LRP1B: variants seen among roughly 807,000 people sequenced by gnomAD.
LRP1B encodes the protein low-density lipoprotein receptor-related protein 1B.
LRP1B carries 217 observed loss-of-function variants against 556.6 expected under a neutral mutation model. The ratio of observed to expected loss-of-function variants is 0.39; its 90% CI spans 0.35 to 0.44. LRP1B has a LOEUF of 0.44. Among genes scored for constraint, LRP1B ranks in the 20% least tolerant of loss-of-function variants. The pLI, the probability that LRP1B is intolerant of heterozygous loss-of-function variation, is 1.00. For synonymous variants in LRP1B, 2,047 were observed against 1,865.8 expected (o/e 1.10, Z -2.50); for missense variants, 5,053 against 5,620.8 (o/e 0.90, Z 3.23).
At chr2:141,296,137 A>G (rs1158831276) in intron 3 of LRP1B, among the ~76,000 whole-genome samples, 1 of 152,200 alleles carries the variant, frequency 6.6e-6, no homozygotes, top group African/African-American at 2.4e-5. Context: ...TGGTCATAAA[A>G]AAATCATGGA....
Position 141,020,066 on chromosome 2 carries a change from A to G in LRP1B, c.1826T>C (p.Ile609Thr), listed in dbSNP as rs1698021255. The change falls in exon 12 of 91, where the codon ATT becomes ACT. Residue 609 changes from isoleucine (I) to threonine (T), a missense_variant. By Grantham distance (89) the Ile-to-Thr change is moderately conservative. This residue lies in a region of LRP1B where 3,619 missense variants were observed against 3,931.9 expected (regional missense o/e 0.92). Coordinates refer to ENST00000389484, the MANE Select transcript of LRP1B (RefSeq NM_018557.3). ...DNVEGIAVDW[I>T]GNNLYWTNDG... ...ATTGGTCCAGTAAAGATTATTTCCAATCCAGTCCACAGCAATGCCCTCTAC... is the reference window on the plus strand; with the variant it reads ...ATTGGTCCAGTAAAGATTATTTCCAGTCCAGTCCACAGCAATGCCCTCTAC... The G allele has an allele frequency of 6.2e-7, 1 of 1,609,784 alleles. No individual in the cohort carries two copies. The highest frequency in any genetic ancestry group is 8.5e-7 in the Non-Finnish European group (1 of 1,177,348).
chr2:141,121,585 C>T (rs1701049333), intron 7 of LRP1B, among the ~76,000 whole-genome samples: 1 of 151,816 alleles, frequency 6.6e-6, no homozygotes, highest in Non-Finnish European at 1.5e-5. Flanking sequence ...AACCACTGCT[C>T]AAGGAAATAA....
In LRP1B at chr2:141,307,413, T is replaced by C. The variant is rs1344577767; in HGVS notation, c.344-52772A>G. Among the ~76,000 whole-genome samples the C allele has an allele frequency of 2.0e-5, 3 of 152,148 alleles. No individual in the cohort carries two copies. In the East Asian group the frequency reaches 5.8e-4, roughly 29 times the overall value. On this transcript the variant is annotated intron_variant, in intron 3 of 90. Transcript: ENST00000389484. ...TGGACTCAAAGTCTGTATTATCTGG[T>C]ATGTGTAGCTATTCCTGCTTGGTTT...
intron 20 of LRP1B, among the ~76,000 whole-genome samples, chr2:140,938,386 T>C (rs1695293192): frequency 6.6e-6 from 1 of 152,060 alleles, no homozygotes; most frequent in African/African-American, 2.4e-5. Context: ...GACAGACTTA[T>C]TGTAACTATT....
chr2:140,327,944 CT>C (rs1324954209), intron 79 of LRP1B, among the ~76,000 whole-genome samples: 4 of 151,912 alleles, frequency 2.6e-5, no homozygotes, highest in Non-Finnish European at 5.9e-5. Context: ...CAAATCAATA[CT>C]TTTGATTTTC....
At chr2:141,209,886 T>C (rs2105248727) in intron 6 of LRP1B, among the ~76,000 whole-genome samples, 1 of 152,322 alleles carries the variant, frequency 6.6e-6, no homozygotes, top group African/African-American at 2.4e-5. Context: ...AAAGTATGTT[T>C]AGAGCTGAGA....
intron 41 of LRP1B, among the ~76,000 whole-genome samples, chr2:140,670,572 G>T (rs114038049): frequency 1.3e-5 from 2 of 152,164 alleles, no homozygotes; most frequent in African/African-American, 4.8e-5. Flanking sequence ...AGACCCTGCA[G>T]AGGATCCTGT....
chr2:140,611,550 A>G (rs1683073166), intron 41 of LRP1B, among the ~76,000 whole-genome samples: 2 of 152,136 alleles, frequency 1.3e-5, no homozygotes, highest in African/African-American at 4.8e-5. Flanking sequence ...GATCGTAGAA[A>G]GAGTTTGGTT....
chr2:141,876,322 G>C (rs1300397636), intron 1 of LRP1B, among the ~76,000 whole-genome samples: 1 of 151,844 alleles, frequency 6.6e-6, no homozygotes, highest in East Asian at 1.9e-4. Flanking sequence ...GGGACCAAAA[G>C]GGCAAATATC....
chr2:141,241,926 A>C (rs1683892681), intron 5 of LRP1B, among the ~76,000 whole-genome samples: 1 of 151,838 alleles, frequency 6.6e-6, no homozygotes, highest in Admixed American at 6.6e-5. Context: ...ATTTTTGACT[A>C]TCTAAAAAAT....
chr2:141,871,719 G>C (rs1460870968), intron 1 of LRP1B, among the ~76,000 whole-genome samples: 1 of 151,884 alleles, frequency 6.6e-6, no homozygotes, highest in African/African-American at 2.4e-5. Context: ...ACTCAAAATA[G>C]ATGAATGCAC....
chr2:140,641,495 C>T (rs1277375059), intron 41 of LRP1B, among the ~76,000 whole-genome samples: 1 of 152,206 alleles, frequency 6.6e-6, no homozygotes, highest in Non-Finnish European at 1.5e-5. Flanking sequence ...TCTCTTACCA[C>T]CTTGATAATA....
chr2:141,751,177 A>T (rs1476252692), intron 2 of LRP1B, among the ~76,000 whole-genome samples: 1 of 152,088 alleles, frequency 6.6e-6, no homozygotes, highest in Non-Finnish European at 1.5e-5. Context: ...CAGGAAATAA[A>T]CTCAATATAC....
intron 41 of LRP1B, among the ~76,000 whole-genome samples, chr2:140,628,612 T>A (rs996454708): frequency 1.1e-4 from 16 of 149,312 alleles, no homozygotes; most frequent in Non-Finnish European, 1.8e-4. Flanking sequence ...TACAAAAAAA[T>A]TAATGATATC....
intron 1 of LRP1B, among the ~76,000 whole-genome samples, chr2:141,822,130 C>CACACAGAGAGAG (rs374369026): frequency 1.4e-3 from 131 of 95,878 alleles, no homozygotes; most frequent in African/African-American, 5.4e-3. Context: ...CACACACACA[C>CACACAGAGAGAG]AGAGAGAGAG....
intron 3 of LRP1B, among the ~76,000 whole-genome samples, chr2:141,441,825 C>T (rs1680988219): frequency 6.6e-6 from 1 of 152,180 alleles, no homozygotes; most frequent in African/African-American, 2.4e-5. Flanking sequence ...TGAACTGAGA[C>T]TTCTTCAGGT....
chr2:140,827,288 C>A (rs1691542676), intron 31 of LRP1B, among the ~76,000 whole-genome samples: 1 of 152,042 alleles, frequency 6.6e-6, no homozygotes, highest in African/African-American at 2.4e-5. Flanking sequence ...CAGTGACTAA[C>A]CCTAGTGAGA....
intron 3 of LRP1B, among the ~76,000 whole-genome samples, chr2:141,391,894 T>C (rs954548071): frequency 6.6e-6 from 1 of 152,200 alleles, no homozygotes; most frequent in African/African-American, 2.4e-5. Flanking sequence ...GTTAGCTCTT[T>C]CCATCTGTTT....
chr2:140,900,614 T>A (rs567575483), intron 23 of LRP1B, among the ~76,000 whole-genome samples: 3 of 152,156 alleles, frequency 2.0e-5, no homozygotes, highest in Non-Finnish European at 4.4e-5. Flanking sequence ...GAATATAGTA[T>A]CTATTAACTG....
Sources: allele counts gnomAD v4.1 joint callset (sites outside exome capture counted in the v4.1 genomes callset), GRCh38; gene constraint gnomAD v4.1.1; regional missense constraint gnomAD v4.1.1; transcripts MANE v1.5; gene names NCBI Gene and HGNC (gene_info 2026-07-23, HGNC 2026-07-21).